TSPAN7: variants seen among roughly 807,000 people sequenced by gnomAD.
TSPAN7 encodes the protein tetraspanin 7.
A neutral mutation model predicts 17.6 loss-of-function variants in TSPAN7; 1 was observed. The ratio of observed to expected loss-of-function variants is 0.06; its 90% CI spans 0.02 to 0.27. The LOEUF (loss-of-function observed/expected upper bound fraction) is 0.27. Ranked by LOEUF, TSPAN7 falls within the 10% of genes least tolerant of loss-of-function variation. TSPAN7 has a pLI of 1.00. For missense variants in TSPAN7, 112 were observed against 201.7 expected, an observed-to-expected ratio of 0.56 and a Z score of 2.69; for synonymous variants, 78 against 79.0, an observed-to-expected ratio of 0.99 and a Z score of 0.07.
chrX:38,564,438 G>T (rs1353137521), intron 1 of TSPAN7, among the ~76,000 whole-genome samples: 2 of 112,031 alleles, frequency 1.8e-5, no homozygotes, highest in Non-Finnish European at 3.8e-5. Context: ...ATGGATAATG[G>T]TGCTATAAAC....
chrX:38,659,689 G>A (rs1055372727), intron 1 of TSPAN7, among the ~76,000 whole-genome samples: 6 of 107,143 alleles, frequency 5.6e-5, no homozygotes, highest in Non-Finnish European at 1.2e-4. Flanking sequence ...TGAGATGGAG[G>A]TCTTGCTATG....
chrX:38,678,969 A>G (rs761985728), intron 5 of TSPAN7, among the ~76,000 whole-genome samples: 66 of 111,696 alleles, frequency 5.9e-4, no homozygotes, highest in Non-Finnish European at 7.3e-4. Context: ...CATTTCTAAC[A>G]AGCTCCTAGG....
chrX:38,617,533 A>G (rs2069462393), intron 1 of TSPAN7, among the ~76,000 whole-genome samples: 1 of 112,311 alleles, frequency 8.9e-6, no homozygotes, highest in African/African-American at 3.2e-5. Flanking sequence ...GAGAGCTTAG[A>G]ACCTGATAAC....
chrX:38,588,262 T>C (rs1255110570), intron 1 of TSPAN7, among the ~76,000 whole-genome samples: 3 of 111,342 alleles, frequency 2.7e-5, no homozygotes, highest in Non-Finnish European at 5.7e-5. Context: ...GTCCTCATCA[T>C]TGTGGTGTAA....
intron 1 of TSPAN7, among the ~76,000 whole-genome samples, chrX:38,618,039 C>T (rs920589678): frequency 1.8e-5 from 2 of 111,496 alleles, no homozygotes; most frequent in South Asian, 3.8e-4. Context: ...CCTTGGAAGT[C>T]GTTGGTGCAG....
intron 1 of TSPAN7, among the ~76,000 whole-genome samples, chrX:38,624,529 C>T (rs183678253): frequency 1.8e-5 from 2 of 112,284 alleles, no homozygotes; most frequent in African/African-American, 6.5e-5. Context: ...TGCTCAGTAA[C>T]CTTACAGGTC....
At chrX:38,626,432 T>C (rs772723800) in intron 1 of TSPAN7, among the ~76,000 whole-genome samples, 1 of 111,999 alleles carries the variant, frequency 8.9e-6, no homozygotes, top group South Asian at 3.8e-4. Context: ...TGGTATATGG[T>C]ATAGCCAGAT....
rs2069940241 is a variant in TSPAN7, at chrX:38,688,889, A to G, written c.*958A>G. ...TTGATATTGTGAACATTTGTGATAT[A>G]TGTATTAATAAATAGAGCAATTACA... On this transcript the variant is annotated 3_prime_UTR_variant, in exon 8 of 8. Coordinates refer to ENST00000378482, the MANE Select transcript of TSPAN7 (RefSeq NM_004615.4). 8.9e-6 allele frequency: 1 copy of G among 112,300 alleles called. No homozygotes were observed. The highest frequency in any genetic ancestry group is 3.2e-5 in the African/African-American group (1 of 30,865). 9.3% of individuals were successfully genotyped at this position (112,300 alleles called of 1,213,427 possible).
intron 1 of TSPAN7, among the ~76,000 whole-genome samples, chrX:38,651,358 G>A (rs1602113831): frequency 1.8e-5 from 2 of 110,774 alleles, no homozygotes; most frequent in Admixed American, 1.9e-4. Context: ...CCAGCTACTC[G>A]GGAGGCTGAG....
chrX:38,566,090 ATATT>A lies in TSPAN7; in HGVS notation c.81+4468_81+4471del, dbSNP rs760703071. On this transcript the variant is annotated intron_variant, in intron 1 of 7. Coordinates refer to ENST00000378482, the MANE Select transcript of TSPAN7 (RefSeq NM_004615.4). ...AAAATGGAGCGTTATGCAAAACTGT[ATATT>A]TATTGGTGTTTGGAACCACCGTAGC... 4.4e-5 allele frequency among the ~76,000 whole-genome samples: 5 copies of A among 112,429 alleles called. No homozygotes were observed. The South Asian group carries it at 1.9e-3, about 42-fold the overall frequency.
At chrX:38,635,342 G>A (rs940247781) in intron 1 of TSPAN7, among the ~76,000 whole-genome samples, 3 of 111,313 alleles carry the variant, frequency 2.7e-5, no homozygotes, top group Non-Finnish European at 3.8e-5. Context: ...TGGGTGCAAG[G>A]ATTTTCTAGT....
At chrX:38,572,695 C>G (rs1436667527) in intron 1 of TSPAN7, among the ~76,000 whole-genome samples, 4 of 110,927 alleles carry the variant, frequency 3.6e-5, no homozygotes, top group African/African-American at 9.8e-5. Flanking sequence ...CTAGGACTTC[C>G]CAAAGGTAGA....
intron 1 of TSPAN7, among the ~76,000 whole-genome samples, chrX:38,591,839 T>G (rs1234128636): frequency 8.9e-6 from 1 of 112,410 alleles, no homozygotes; most frequent in Non-Finnish European, 1.9e-5. Context: ...ACCACTCCAG[T>G]TCTTTTTTGA....
chrX:38,674,393 C>A, intron 4 of TSPAN7, 77 bp downstream of exon 4: 1 of 899,995 alleles, frequency 1.1e-6, no homozygotes, highest in Non-Finnish European at 1.6e-6. Context: ...TGTAGGTTGG[C>A]CCAGTAGTTG....
chrX:38,652,619 G>T (rs2069681276), intron 1 of TSPAN7, among the ~76,000 whole-genome samples: 1 of 112,588 alleles, frequency 8.9e-6, no homozygotes, highest in African/African-American at 3.2e-5. Context: ...TACATTTTGA[G>T]TTTCAAACAA....
At chrX:38,674,163 A>T (rs1178952082) in intron 3 of TSPAN7, 58 bp from the exon 4 acceptor site, 11 of 922,606 alleles carry the variant, frequency 1.2e-5, no homozygotes, top group Non-Finnish European at 1.7e-5. Flanking sequence ...TTTGGTAAGA[A>T]TTGGAGTCAG....
chrX:38,657,605 CT>C (rs1426400915), intron 1 of TSPAN7, among the ~76,000 whole-genome samples: 2 of 112,090 alleles, frequency 1.8e-5, no homozygotes, highest in African/African-American at 6.5e-5. Context: ...CTGAGGACCA[CT>C]GGGCAATTCA....
intron 1 of TSPAN7, among the ~76,000 whole-genome samples, chrX:38,565,336 T>C (rs936278260): frequency 4.2e-4 from 47 of 111,934 alleles, no homozygotes; most frequent in Non-Finnish European, 3.8e-5. Flanking sequence ...TTCAAGTGAT[T>C]CTCCTGCCTC....
intron 1 of TSPAN7, among the ~76,000 whole-genome samples, chrX:38,599,517 T>C (rs2069334596): frequency 9.0e-6 from 1 of 111,389 alleles, no homozygotes. Context: ...TAAAATGTAA[T>C]ATTAATGGTG....
Sources: allele counts gnomAD v4.1 joint callset (sites outside exome capture counted in the v4.1 genomes callset), GRCh38; gene constraint gnomAD v4.1.1; transcripts MANE v1.5; gene names NCBI Gene and HGNC (gene_info 2026-07-23, HGNC 2026-07-21).